The following PRR5L variants were observed in gnomAD, a reference collection of about 807,000 sequenced individuals.
The protein encoded by PRR5L is proline-rich protein 5-like.
PRR5L carries 21 observed loss-of-function variants against 36.4 expected under a neutral mutation model. That is an observed-to-expected ratio of 0.58 (90% CI 0.41 to 0.83). PRR5L has a LOEUF of 0.83. Ranked by LOEUF, PRR5L falls within the 40% of genes least tolerant of loss-of-function variation. The probability of loss-of-function intolerance (pLI) is 0.00; values close to 1 mark genes in which losing one functional copy is unlikely to be tolerated. For synonymous variants in PRR5L, 188 were observed against 197.0 expected (o/e 0.95, Z 0.38); for missense variants, 381 against 473.3 (o/e 0.80, Z 1.81).
intron 4 of PRR5L, among the ~76,000 whole-genome samples, chr11:36,424,511 T>C (rs1192701917): frequency 6.6e-6 from 1 of 152,184 alleles, no homozygotes; most frequent in African/African-American, 2.4e-5. Context: ...GGTATTAAAA[T>C]AGTGGAAACA....
At chr11:36,412,810 T>C (rs1011060598) in intron 3 of PRR5L, among the ~76,000 whole-genome samples, 3 of 152,152 alleles carry the variant, frequency 2.0e-5, no homozygotes, top group African/African-American at 7.2e-5. Flanking sequence ...CACTCTCTCA[T>C]AGGGCCCAGG....
intron 4 of PRR5L, among the ~76,000 whole-genome samples, chr11:36,430,847 G>A (rs1858478283): frequency 6.6e-6 from 1 of 152,196 alleles, no homozygotes; most frequent in South Asian, 2.1e-4. Context: ...TGATACCCAA[G>A]TTCTTTCCAC....
chr11:36,416,928 C>G (rs1259414629), intron 3 of PRR5L, among the ~76,000 whole-genome samples: 2 of 152,192 alleles, frequency 1.3e-5, no homozygotes, highest in African/African-American at 4.8e-5. Context: ...TCAGTCATAT[C>G]TAGCCCAAAC....
chr11:36,312,671 C>T (rs761210071), intron 1 of PRR5L, among the ~76,000 whole-genome samples: 1 of 152,242 alleles, frequency 6.6e-6, no homozygotes, highest in Non-Finnish European at 1.5e-5. Context: ...CCTCTCTGAG[C>T]CTCTGTCTTC....
chr11:36,449,904 C>T (rs1858908898), intron 7 of PRR5L, among the ~76,000 whole-genome samples: 2 of 152,188 alleles, frequency 1.3e-5, no homozygotes, highest in Admixed American at 1.3e-4. Flanking sequence ...TGCCACTTCT[C>T]CTTTTTCTGT....
At chr11:36,333,158 A>T (rs1278709107) in intron 1 of PRR5L, among the ~76,000 whole-genome samples, 1 of 152,166 alleles carries the variant, frequency 6.6e-6, no homozygotes, top group Non-Finnish European at 1.5e-5. Flanking sequence ...TTAAAATTTT[A>T]TTTTTTACTC....
chr11:36,385,455 C>A (rs1021043358), intron 1 of PRR5L, among the ~76,000 whole-genome samples: 1 of 152,208 alleles, frequency 6.6e-6, no homozygotes, highest in African/African-American at 2.4e-5. Flanking sequence ...GATATAATTA[C>A]TTCTAGGTGC....
chr11:36,409,416 C>T (rs1590551045), intron 3 of PRR5L, among the ~76,000 whole-genome samples: 1 of 152,150 alleles, frequency 6.6e-6, no homozygotes, highest in East Asian at 1.9e-4. Flanking sequence ...GTGAAGAAAA[C>T]CCCAGAGATT....
chr11:36,451,502 A>G (rs35407642), intron 8 of PRR5L, among the ~76,000 whole-genome samples, 167 bp downstream of exon 8: 67,392 of 152,010 alleles, frequency 0.44, 15,487 homozygotes, highest in African/African-American at 0.56. Context: ...AAGCACTCAC[A>G]TTCCTGGCCT....
chr11:36,458,453 T>C (rs762877829), intron 8 of PRR5L, among the ~76,000 whole-genome samples: 61 of 152,254 alleles, frequency 4.0e-4, no homozygotes, highest in Admixed American at 1.0e-3. Context: ...AAATTCTATG[T>C]AATATCCTTT....
chr11:36,382,141 G>A (rs1395812435), intron 1 of PRR5L, among the ~76,000 whole-genome samples: 2 of 152,220 alleles, frequency 1.3e-5, no homozygotes, highest in Non-Finnish European at 2.9e-5. Flanking sequence ...CTGGGTGACA[G>A]AGTGAGACTC....
intron 1 of PRR5L, 57 bp from the exon 2 acceptor site, chr11:36,400,940 C>T (rs1857779167): frequency 1.3e-5 from 17 of 1,344,138 alleles, no homozygotes; most frequent in Non-Finnish European, 1.5e-5. Context: ...AGCCAACTTC[C>T]TCTAAGAGGT....
intron 1 of PRR5L, among the ~76,000 whole-genome samples, chr11:36,359,099 G>A (rs1857058330): frequency 6.6e-6 from 1 of 152,144 alleles, no homozygotes; most frequent in East Asian, 1.9e-4. Context: ...TCCCAGTGCT[G>A]CCATTAAATA....
chr11:36,425,982 A>G (rs1858374298), intron 4 of PRR5L: 1 of 152,280 alleles, frequency 6.6e-6, no homozygotes, highest in African/African-American at 2.4e-5. Context: ...CCTCTGGGGT[A>G]GGAAAGAATA....
Position 36,407,426 on chromosome 11 carries a change from G to A in PRR5L, c.245+4048G>A, listed in dbSNP as rs570194015. Among the ~76,000 whole-genome samples the A allele has an allele frequency of 2.6e-5, 4 of 152,344 alleles. No homozygotes were observed. In the South Asian group the frequency reaches 8.3e-4, roughly 32 times the overall value. On this transcript the variant is annotated intron_variant, in intron 3 of 8. Coordinates refer to ENST00000530639, the MANE Select transcript of PRR5L (RefSeq NM_001160167.2). ...CAGAAAAAACTTCTCCAGCAGTTTG[G>A]ATGAGGTGAGCTCACTTTGAACTAG...
rs374417656 is a variant in PRR5L at position 36,462,630 on chromosome 11, G to A, written c.1001G>A (p.Arg334Gln). Residue 334 changes from arginine to glutamine, a missense_variant, in exon 9 of 9, where the codon CGG (arginine) becomes CAG (glutamine). Arg to Gln is a conservative substitution (Grantham distance 43). Transcript: ENST00000530639. ...CCACCCAGCTTCCCCCCGCCCCACC[G>A]GCAGTGCTCCAGTGAGCCCAACATC... ...LLPPSFPPPH[R>Q]QCSSEPNITD... The A allele has an allele frequency of 8.7e-6, 14 of 1,612,250 alleles. No homozygotes were observed. Among genetic ancestry groups the A allele is most frequent in the South Asian group, 3.3e-5 (3 of 91,012 alleles).
rs186238778 is a variant in PRR5L at position 36,364,997 on chromosome 11, G to A, written c.-125-36000G>A. On this transcript the variant is annotated intron_variant, in intron 1 of 8. Coordinates refer to ENST00000530639, the MANE Select transcript of PRR5L (RefSeq NM_001160167.2). Reference sequence around the variant, plus strand: ...TCCCCAATAGACAGTTCAGTGATCCGTACATCACAGGCAGGCTGTAAGGAT... The same window carrying A: ...TCCCCAATAGACAGTTCAGTGATCCATACATCACAGGCAGGCTGTAAGGAT... Among the ~76,000 whole-genome samples, 401 of 152,248 alleles carry A rather than the reference G, an allele frequency of 2.6e-3. 3 individuals carry two copies. The highest frequency in any genetic ancestry group is 7.9e-3 in the African/African-American group (330 of 41,522).
At chr11:36,434,319 T>A (rs1267766877) in intron 5 of PRR5L, among the ~76,000 whole-genome samples, 2 of 152,242 alleles carry the variant, frequency 1.3e-5, no homozygotes, top group African/African-American at 2.4e-5. Context: ...CTTTTTAATT[T>A]TATGTATTAG....
At chr11:36,359,602 A>T (rs1857064035) in intron 1 of PRR5L, among the ~76,000 whole-genome samples, 1 of 152,242 alleles carries the variant, frequency 6.6e-6, no homozygotes, top group Non-Finnish European at 1.5e-5. Flanking sequence ...AAACGTAGAA[A>T]ATAACAGATA....
Sources: allele counts gnomAD v4.1 joint callset (sites outside exome capture counted in the v4.1 genomes callset), GRCh38; gene constraint gnomAD v4.1.1; transcripts MANE v1.5; gene names NCBI Gene and HGNC (gene_info 2026-07-23, HGNC 2026-07-21).